Variants in ABCA8 observed in about 807,000 individuals in gnomAD.
ABCA8 encodes ABC-type organic anion transporter ABCA8.
In ABCA8, 177 loss-of-function variants were observed where a neutral mutation model predicts 192.3. That is an observed-to-expected ratio of 0.92 (90% CI 0.81 to 1.04). The LOEUF (loss-of-function observed/expected upper bound fraction) is 1.04. Ranked by LOEUF, ABCA8 falls within the 50% of genes least tolerant of loss-of-function variation. The probability of loss-of-function intolerance (pLI) is 0.00; values close to 1 mark genes in which losing one functional copy is unlikely to be tolerated. For missense variants in ABCA8, 1,915 were observed against 1,904.8 expected (o/e 1.01, Z -0.10); for synonymous variants, 642 against 690.2 (o/e 0.93, Z 1.09).
In ABCA8 at chr17:68,906,107, A is replaced by G; in HGVS notation, c.2335T>C (p.Ser779Pro). 6.2e-7 allele frequency: 1 copy of G among 1,601,398 alleles called. No homozygotes were observed. ...PDLGIENYGV[S>P]MTTLNEVFLK... is the part of the protein sequence containing the mutation. ...AATACTTCATTCAAAGTTGTCATGG[A>G]AACACCATAATTCTCAATTCCTAGG... Residue 779 changes from serine (S) to proline (P), a missense_variant, in exon 19 of 40, where the codon TCC (serine) becomes CCC (proline). Physicochemically the swap from Ser to Pro is moderately conservative, Grantham distance 74. Transcript: ENST00000586539.
rs1047715022 is a variant in ABCA8 at position 68,887,035 on chromosome 17, C to G, written c.3411G>C (p.Trp1137Cys). 1 of 1,607,102 alleles carries G rather than the reference C, an allele frequency of 6.2e-7. No individual in the cohort carries two copies. The highest frequency in any genetic ancestry group is 8.5e-7 in the Non-Finnish European group (1 of 1,174,348). ...FRKGRKNSGIWSFCFYVVTVF... is the reference protein window; with the variant it reads ...FRKGRKNSGICSFCFYVVTVF... ...TACTTACAACATAGAAACAAAATGACCAAATGCCACTATTTTTTCTCCCCT... is the reference window on the plus strand; with the variant it reads ...TACTTACAACATAGAAACAAAATGAGCAAATGCCACTATTTTTTCTCCCCT... The change falls in exon 26 of 40, where the codon TGG becomes TGC. Residue 1137 changes from tryptophan (W) to cysteine (C), a missense_variant. Coordinates refer to ENST00000586539, the MANE Select transcript of ABCA8 (RefSeq NM_001288985.2).
At chr17:68,893,227 A>G (rs935020366) in intron 23 of ABCA8, among the ~76,000 whole-genome samples, 4 of 152,232 alleles carry the variant, frequency 2.6e-5, no homozygotes, top group African/African-American at 4.8e-5. Context: ...TGTTAAAAAT[A>G]CATGATCTAT....
At chr17:68,885,050 G>C (rs2066424383) in intron 27 of ABCA8, 146 bp downstream of exon 27, 2 of 1,125,288 alleles carry the variant, frequency 1.8e-6, no homozygotes, top group Non-Finnish European at 2.4e-6. Flanking sequence ...TGTTTTATCT[G>C]GGAGAAAATC....
intron 24 of ABCA8, among the ~76,000 whole-genome samples, chr17:68,889,958 G>T (rs1480446749): frequency 2.0e-5 from 3 of 152,068 alleles, no homozygotes; most frequent in Non-Finnish European, 4.4e-5. Context: ...ACTGCTTGGG[G>T]GACACTTGGG....
intron 6 of ABCA8, 34 bp downstream of exon 6, chr17:68,933,133 TA>T: frequency 7.1e-7 from 1 of 1,404,924 alleles, no homozygotes; most frequent in Non-Finnish European, 1.0e-6. Flanking sequence ...TAACTTGCAT[TA>T]AACATTAGTT....
chr17:68,916,439 T>C (rs2067365896), intron 17 of ABCA8, among the ~76,000 whole-genome samples: 1 of 152,146 alleles, frequency 6.6e-6, no homozygotes, highest in Non-Finnish European at 1.5e-5. Flanking sequence ...AATACCCCAT[T>C]TATCCGATGT....
chr17:68,903,236 T>C, intron 20 of ABCA8, 65 bp downstream of exon 20: 4 of 1,558,920 alleles, frequency 2.6e-6, no homozygotes, highest in Non-Finnish European at 3.5e-6. Flanking sequence ...CTTGCCTTTA[T>C]ACCTTAGATT....
intron 32 of ABCA8, chr17:68,878,008 C>T (rs933880451): frequency 1.4e-4 from 28 of 205,476 alleles, no homozygotes; most frequent in African/African-American, 5.3e-4. Flanking sequence ...TATTTAACTT[C>T]GCTCATGGAT....
intron 13 of ABCA8, among the ~76,000 whole-genome samples, chr17:68,920,513 ATTATGAAATAC>A (rs1421735019): frequency 3.3e-5 from 5 of 152,218 alleles, no homozygotes; most frequent in African/African-American, 1.2e-4. Context: ...GAAAATAGTT[ATTATGAAATAC>A]TCAGATTCCA....
chr17:68,903,295 A>G lies in ABCA8; in HGVS notation c.2597+6T>C, dbSNP rs116839323. On this transcript the variant is annotated splice_donor_region_variant and intron_variant, in intron 20 of 39. Coordinates refer to ENST00000586539, the MANE Select transcript of ABCA8 (RefSeq NM_001288985.2). ...AAAGAAAACCTATGGCAACTCTGAT[A>G]CTTACAGTGCTAAAAGAGCTTTTCT... 1,162 of 1,614,032 alleles carry G rather than the reference A, an allele frequency of 7.2e-4. 7 individuals carry two copies. In the African/African-American group the frequency reaches 0.014, roughly 20 times the overall value.
At chr17:68,932,554 G>A (rs372702123) in intron 6 of ABCA8, 40 bp from the exon 7 acceptor site, 22 of 1,393,092 alleles carry the variant, frequency 1.6e-5, no homozygotes, top group Non-Finnish European at 1.9e-5. Flanking sequence ...GTACGTTAAT[G>A]AACAGCATGC....
intron 5 of ABCA8, among the ~76,000 whole-genome samples, chr17:68,934,497 C>T (rs1291880769): frequency 6.6e-6 from 1 of 152,146 alleles, no homozygotes; most frequent in Non-Finnish European, 1.5e-5. Context: ...GTTGTACTGT[C>T]TGTATTATAC....
rs867911173 is a variant in ABCA8 at position 68,881,940 on chromosome 17, G to A, written c.3869C>T (p.Ala1290Val). The change falls in exon 31 of 40, where the codon GCA becomes GTA. Residue 1290 changes from alanine (A) to valine (V), a missense_variant. Ala to Val is a moderately conservative substitution (Grantham distance 64). Coordinates refer to ENST00000586539, the MANE Select transcript of ABCA8 (RefSeq NM_001288985.2). ...GGAAAAACAGCCTTTCCTCTTCCCT[G>A]CATACTCCTTGCGTAGACAGCTGGC... ...IIASCLRKEY[A>V]GKRKGCFSKR... 1 of 1,614,054 alleles carries A rather than the reference G, an allele frequency of 6.2e-7. No individual in the cohort carries two copies. Among genetic ancestry groups the A allele is most frequent in the Non-Finnish European group, 8.5e-7 (1 of 1,179,926 alleles).
rs1410300919 is a variant in ABCA8, at chr17:68,904,189, G to A, written c.2399-690C>T. The stretch of plus-strand genomic sequence containing the variant: ...CGCAGCTACTCGGGAAGCTGAGGCA[G>A]GAGAATGGCGTGAACCCGGGAGGCA... On this transcript the variant is annotated intron_variant, in intron 19 of 39. Transcript: ENST00000586539. Among the ~76,000 whole-genome samples, 4 of 151,858 alleles carry A rather than the reference G, an allele frequency of 2.6e-5. No individual in the cohort carries two copies. In the East Asian group the frequency reaches 7.7e-4, roughly 29 times the overall value.
rs1270966251 is a variant in ABCA8, at chr17:68,887,375, G to T, written c.3276C>A (p.Asn1092Lys). Residue 1092 changes from asparagine (N) to lysine (K), a missense_variant, in exon 25 of 40, where the codon AAC becomes AAA. Asn to Lys is a moderately conservative substitution (Grantham distance 94). Transcript: ENST00000586539. ...VFIYLMSYIS[N>K]FEDMLLTIIH... ...TTATTGTAAGTAGCATGTCTTCGAA[G>T]TTTGAAATGTAGCTCATTAAATATA... 1 of 1,611,404 alleles carries T rather than the reference G, an allele frequency of 6.2e-7. No homozygotes were observed. Among genetic ancestry groups the T allele is most frequent in the African/African-American group, 1.3e-5 (1 of 74,766 alleles).
intron 23 of ABCA8, among the ~76,000 whole-genome samples, chr17:68,893,887 T>TC (rs1219627952): frequency 4.7e-5 from 3 of 64,308 alleles, no homozygotes; most frequent in Non-Finnish European, 8.4e-5. Context: ...CCCTCCCCCC[T>TC]CCCCCCACCC....
intron 33 of ABCA8, chr17:68,877,073 G>C (rs1428807641): frequency 5.8e-6 from 1 of 172,696 alleles, no homozygotes; most frequent in Non-Finnish European, 1.2e-5. Flanking sequence ...GTGTAATCTT[G>C]GCTCACTGCA....
At chr17:68,886,931 C>A (rs1478697480) in intron 26 of ABCA8, 86 bp downstream of exon 26, 3 of 768,452 alleles carry the variant, frequency 3.9e-6, no homozygotes, top group South Asian at 4.7e-5. Context: ...ATAATATTAT[C>A]ATCCTACAGA....
intron 24 of ABCA8, among the ~76,000 whole-genome samples, chr17:68,890,677 C>A (rs752649860): frequency 6.6e-6 from 1 of 152,146 alleles, no homozygotes; most frequent in Non-Finnish European, 1.5e-5. Flanking sequence ...CACCACCACA[C>A]CCAGCTAATT....
Sources: allele counts gnomAD v4.1 joint callset (sites outside exome capture counted in the v4.1 genomes callset), GRCh38; gene constraint gnomAD v4.1.1; transcripts MANE v1.5; gene names NCBI Gene and HGNC (gene_info 2026-07-23, HGNC 2026-07-21).